BTBD9: variants seen among roughly 807,000 people sequenced by gnomAD.
The protein encoded by BTBD9 is BTB domain containing 9.
A neutral mutation model predicts 64.3 loss-of-function variants in BTBD9; 49 were observed. That is an observed-to-expected ratio of 0.76 (90% confidence interval 0.61 to 0.97). The LOEUF (loss-of-function observed/expected upper bound fraction) is 0.97. Ranked by LOEUF, BTBD9 falls within the 50% of genes least tolerant of loss-of-function variation. The probability of loss-of-function intolerance (pLI) is 0.00; values close to 1 mark genes in which losing one functional copy is unlikely to be tolerated. For synonymous variants in BTBD9, 260 were observed against 274.7 expected (o/e 0.95, Z 0.53); for missense variants, 598 against 762.1 (o/e 0.78, Z 2.53).
At chr6:38,396,552 T>C (rs1322368600) in intron 6 of BTBD9, among the ~76,000 whole-genome samples, 3 of 152,212 alleles carry the variant, frequency 2.0e-5, no homozygotes, top group Non-Finnish European at 4.4e-5. Context: ...ATCATACTTT[T>C]CCCTCCTTGA....
chr6:38,187,815 C>T (rs1761882993), intron 10 of BTBD9, among the ~76,000 whole-genome samples: 1 of 152,150 alleles, frequency 6.6e-6, no homozygotes, highest in African/African-American at 2.4e-5. Flanking sequence ...CTGCGGTGCT[C>T]ACAAAGGAAG....
At chr6:38,356,551 C>CAT (rs994025503) in intron 6 of BTBD9, among the ~76,000 whole-genome samples, 19 of 152,066 alleles carry the variant, frequency 1.2e-4, no homozygotes, top group South Asian at 2.1e-4. Context: ...CTAGGGTTGC[C>CAT]ATATGTACCT....
intron 6 of BTBD9, among the ~76,000 whole-genome samples, chr6:38,465,680 C>A: frequency 7.8e-6 from 1 of 128,462 alleles, no homozygotes; most frequent in Non-Finnish European, 1.6e-5. Flanking sequence ...GAGCTAGACT[C>A]CATCTCTAAA....
intron 9 of BTBD9, among the ~76,000 whole-genome samples, chr6:38,227,266 A>C (rs1763430270): frequency 6.6e-6 from 1 of 152,200 alleles, no homozygotes. Context: ...TAGGGTTTGT[A>C]CTTTGAGGTC....
intron 1 of BTBD9, among the ~76,000 whole-genome samples, chr6:38,628,592 G>T (rs1221600323): frequency 6.6e-6 from 1 of 152,116 alleles, no homozygotes; most frequent in Non-Finnish European, 1.5e-5. Context: ...GAAACTGGAG[G>T]TGTCAGTATG....
At chr6:38,418,416 C>T (rs1248214563) in intron 6 of BTBD9, among the ~76,000 whole-genome samples, 3 of 152,110 alleles carry the variant, frequency 2.0e-5, no homozygotes, top group Non-Finnish European at 4.4e-5. Context: ...TCTGCTCCTC[C>T]CCCACCAAAG....
At chr6:38,483,183 T>C (rs539571957) in intron 6 of BTBD9, among the ~76,000 whole-genome samples, 1 of 152,156 alleles carries the variant, frequency 6.6e-6, no homozygotes, top group Middle Eastern at 3.4e-3. Flanking sequence ...ATCTTCTACA[T>C]GTATTGCTAC....
intron 6 of BTBD9, among the ~76,000 whole-genome samples, chr6:38,376,883 C>T (rs1025954477): frequency 2.0e-5 from 3 of 152,162 alleles, no homozygotes; most frequent in African/African-American, 7.2e-5. Flanking sequence ...CAATGACTGC[C>T]ATTTGAATAT....
At chr6:38,266,346 G>A (rs1764971358) in intron 8 of BTBD9, among the ~76,000 whole-genome samples, 1 of 152,156 alleles carries the variant, frequency 6.6e-6, no homozygotes, top group Non-Finnish European at 1.5e-5. Flanking sequence ...GCTGAGGTGG[G>A]TGGATCACCC....
chr6:38,352,965 A>T (rs1764580259), intron 6 of BTBD9, among the ~76,000 whole-genome samples: 1 of 152,258 alleles, frequency 6.6e-6, no homozygotes, highest in South Asian at 2.1e-4. Flanking sequence ...GTTGAAATAA[A>T]CAACAAATTA....
chr6:38,287,387 C>T (rs1325428271), intron 8 of BTBD9, among the ~76,000 whole-genome samples: 5 of 151,946 alleles, frequency 3.3e-5, no homozygotes, highest in African/African-American at 9.7e-5. Flanking sequence ...TCAAGCGATC[C>T]GCCCACCTCC....
At chr6:38,353,481 G>A (rs535417048) in intron 6 of BTBD9, among the ~76,000 whole-genome samples, 5 of 152,168 alleles carry the variant, frequency 3.3e-5, no homozygotes, top group African/African-American at 1.2e-4. Flanking sequence ...AAACGAATAT[G>A]AACAAACCAA....
intron 6 of BTBD9, among the ~76,000 whole-genome samples, chr6:38,444,566 C>A (rs1224432076): frequency 6.6e-6 from 1 of 152,198 alleles, no homozygotes; most frequent in East Asian, 1.9e-4. Context: ...CCAGACCACC[C>A]AAGTTAAAAT....
At chr6:38,529,288 G>A (rs895300441) in intron 6 of BTBD9, among the ~76,000 whole-genome samples, 2 of 152,158 alleles carry the variant, frequency 1.3e-5, no homozygotes, top group Non-Finnish European at 2.9e-5. Flanking sequence ...GAAAAGAAGA[G>A]TCTCCACCTG....
At chr6:38,336,665 C>T (rs905477189) in intron 7 of BTBD9, among the ~76,000 whole-genome samples, 9 of 151,976 alleles carry the variant, frequency 5.9e-5, no homozygotes, top group South Asian at 4.2e-4. Context: ...ATGGGGATAC[C>T]GCCAAACCAT....
intron 8 of BTBD9, among the ~76,000 whole-genome samples, chr6:38,270,536 C>G (rs180853012): frequency 2.9e-3 from 443 of 152,228 alleles, no homozygotes; most frequent in African/African-American, 0.01. Context: ...GAAGAGGACC[C>G]CAGCCTATCT....
chr6:38,178,955 C>T (rs1188560374), intron 10 of BTBD9, among the ~76,000 whole-genome samples: 5 of 152,198 alleles, frequency 3.3e-5, no homozygotes, highest in East Asian at 1.9e-4. Flanking sequence ...CAGGTTCAAG[C>T]GATTCTCCTG....
intron 6 of BTBD9, among the ~76,000 whole-genome samples, chr6:38,520,073 G>A (rs1410699634): frequency 1.3e-5 from 2 of 151,836 alleles, no homozygotes; most frequent in Non-Finnish European, 2.9e-5. Flanking sequence ...ACACACACAT[G>A]CATATGCATA....
chr6:38,500,561 CTCAG>C (rs1293745733), intron 6 of BTBD9, among the ~76,000 whole-genome samples: 5 of 152,210 alleles, frequency 3.3e-5, no homozygotes, highest in Non-Finnish European at 7.3e-5. Context: ...TTTTCTCTAA[CTCAG>C]TATTAACTCT....
Sources: allele counts gnomAD v4.1 joint callset (sites outside exome capture counted in the v4.1 genomes callset), GRCh38; gene constraint gnomAD v4.1.1; transcripts MANE v1.5; gene names NCBI Gene and HGNC (gene_info 2026-07-23, HGNC 2026-07-21).